The following USP7 variants were observed in gnomAD, a reference collection of about 807,000 sequenced individuals.
USP7 encodes ubiquitin C-terminal hydrolase 7.
In USP7, 9 loss-of-function variants were observed where a neutral mutation model predicts 162.9. That is an observed-to-expected ratio of 0.06 (90% CI 0.03 to 0.10). The LOEUF (loss-of-function observed/expected upper bound fraction) is 0.10, where lower values mean the gene tolerates loss of function less well. Ranked by LOEUF, USP7 falls within the 10% of genes least tolerant of loss-of-function variation. USP7 has a pLI of 1.00. For synonymous variants in USP7, 562 were observed against 475.9 expected, an observed-to-expected ratio of 1.18 and a Z score of -2.35; for missense variants, 715 against 1,373.7, an observed-to-expected ratio of 0.52 and a Z score of 7.58.
chr16:8,946,309 G>A (rs528506388), intron 1 of USP7, among the ~76,000 whole-genome samples: 24 of 152,248 alleles, frequency 1.6e-4, no homozygotes, highest in Admixed American at 4.6e-4. Context: ...GGCAGGCGGC[G>A]GTGGCTTAAG....
At chr16:8,909,572 A>G (rs2061911597) in intron 11 of USP7, among the ~76,000 whole-genome samples, 1 of 152,246 alleles carries the variant, frequency 6.6e-6, no homozygotes, top group Admixed American at 6.5e-5. Flanking sequence ...CATCCAGAAT[A>G]GAGAACAGTA....
chr16:8,916,945 TTTCTA>T, intron 7 of USP7, 76 bp downstream of exon 7: 4 of 1,451,832 alleles, frequency 2.8e-6, no homozygotes, highest in Non-Finnish European at 3.6e-6. Context: ...TCTACTAACT[TTTCTA>T]TTCTCTACTC....
chr16:8,927,581 G>C (rs1448676009), intron 2 of USP7, among the ~76,000 whole-genome samples: 2 of 152,110 alleles, frequency 1.3e-5, no homozygotes, highest in Admixed American at 1.3e-4. Context: ...CACACTTGTA[G>C]TCCCAGTACT....
intron 6 of USP7, among the ~76,000 whole-genome samples, chr16:8,918,081 C>T (rs749871353): frequency 6.6e-6 from 1 of 152,062 alleles, no homozygotes; most frequent in Admixed American, 6.5e-5. Context: ...TGAGCCACTG[C>T]GCCCAGCCAT....
intron 21 of USP7, 90 bp downstream of exon 21, chr16:8,900,440 G>C: frequency 1.1e-6 from 1 of 894,840 alleles, no homozygotes; most frequent in Non-Finnish European, 1.6e-6. Flanking sequence ...AACGTGGCTC[G>C]GGATCTAGGT....
intron 22 of USP7, 164 bp downstream of exon 22, chr16:8,899,440 C>CTAA: frequency 2.1e-6 from 2 of 966,560 alleles, no homozygotes. Flanking sequence ...GGCGATTATT[C>CTAA]TAGCTCCCAA....
At position 8,906,567 on chromosome 16, in the gene USP7, C is replaced by G. The variant is rs1596361901; in HGVS notation, c.1287G>C (p.Glu429Asp). ...IKINDRFEFP[E>D]QLPLDEFLQK... ...GCAAAAATTCATCAAGTGGTAACTG[C>G]TCTGGGAATTCAAACCTATTAGAAA... The change falls in exon 13 of 31, where the codon GAG becomes GAC. Residue 429 changes from glutamate (E) to aspartate (D), a missense_variant. Coordinates refer to ENST00000344836, the MANE Select transcript of USP7 (RefSeq NM_003470.3). 1 of 1,611,998 alleles carries G rather than the reference C, an allele frequency of 6.2e-7. No homozygotes were observed. The highest frequency in any genetic ancestry group is 8.5e-7 in the Non-Finnish European group (1 of 1,179,542).
chr16:8,952,218 C>T (rs1221582264), intron 1 of USP7, among the ~76,000 whole-genome samples: 1 of 152,112 alleles, frequency 6.6e-6, no homozygotes, highest in East Asian at 1.9e-4. Flanking sequence ...CCACTGAATT[C>T]CAGCCTGGGC....
intron 3 of USP7, among the ~76,000 whole-genome samples, chr16:8,921,699 C>G (rs1479566309): frequency 6.6e-6 from 1 of 152,194 alleles, no homozygotes; most frequent in East Asian, 1.9e-4. Flanking sequence ...TGGGGGAAAA[C>G]CAGCACCGGG....
rs371645767 is a variant in USP7, at chr16:8,901,689, G to A, written c.2047+393C>T. 1.1e-4 allele frequency among the ~76,000 whole-genome samples: 17 copies of A among 152,356 alleles called. No individual in the cohort carries two copies. The East Asian group carries it at 2.9e-3, about 26-fold the overall frequency. The stretch of plus-strand genomic sequence containing the variant: ...GTCGATAAAGTTGTACTGGAAGACA[G>A]CCAGCTCGTTCATTTATATAGTCTT... On this transcript the variant is annotated intron_variant, in intron 18 of 30. Transcript: ENST00000344836.
At chr16:8,899,888 T>C (rs933892251) in intron 21 of USP7, 131 bp from the exon 22 acceptor site, 1 of 1,133,310 alleles carries the variant, frequency 8.8e-7, no homozygotes, top group Non-Finnish European at 1.3e-6. Context: ...GGTTCCCCTT[T>C]GAGGGGGCCA....
intron 15 of USP7, among the ~76,000 whole-genome samples, chr16:8,903,870 AAAAAAAAAAAAAGGAAAAG>A (rs1475882553): frequency 1.3e-5 from 2 of 149,194 alleles, no homozygotes; most frequent in Non-Finnish European, 3.0e-5. Context: ...TCTGTCTCAA[AAAAAAAAAAAAAGGAAAAG>A]AAAAAAGAAA....
intron 1 of USP7, among the ~76,000 whole-genome samples, chr16:8,934,791 A>T (rs2141239123): frequency 6.6e-6 from 1 of 152,342 alleles, no homozygotes; most frequent in East Asian, 1.9e-4. Context: ...CGAGTACATA[A>T]GGGGTGGGTC....
intron 2 of USP7, among the ~76,000 whole-genome samples, chr16:8,928,169 T>C (rs1008465820): frequency 1.3e-5 from 2 of 152,248 alleles, no homozygotes; most frequent in African/African-American, 4.8e-5. Context: ...CTTTGTCTCA[T>C]TAGCTATTTA....
chr16:8,893,961 A>G lies in USP7; in HGVS notation c.*37T>C. On this transcript the variant is annotated 3_prime_UTR_variant, in exon 31 of 31. Coordinates refer to ENST00000344836, the MANE Select transcript of USP7 (RefSeq NM_003470.3). ...GTTCTAGGCTGTTAAGGGGCCACCC[A>G]CACACCGTCCTCGCCTTGAACACAC... 6.2e-7 allele frequency: 1 copy of G among 1,601,786 alleles called. No individual in the cohort carries two copies. The highest frequency in any genetic ancestry group is 1.7e-4 in the Middle Eastern group (1 of 6,048).
chr16:8,911,783 A>G (rs2447914), intron 10 of USP7, among the ~76,000 whole-genome samples: 45,650 of 152,158 alleles, frequency 0.3, 6,909 homozygotes, highest in South Asian at 0.34. Flanking sequence ...GTTTCTTCCG[A>G]AGCTGTCAGT....
chr16:8,895,002 G>A, intron 28 of USP7, 29 bp downstream of exon 28: 2 of 1,614,130 alleles, frequency 1.2e-6, no homozygotes, highest in Non-Finnish European at 1.7e-6. Flanking sequence ...GTTTTGACGT[G>A]AGCCACTCGG....
chr16:8,925,003 A>G (rs1897911772), intron 2 of USP7, among the ~76,000 whole-genome samples: 1 of 152,232 alleles, frequency 6.6e-6, no homozygotes, highest in African/African-American at 2.4e-5. Flanking sequence ...CTAAAAGGCA[A>G]GAAACTTGTT....
At chr16:8,913,031 C>G (rs557877034) in intron 10 of USP7, among the ~76,000 whole-genome samples, 2 of 151,988 alleles carry the variant, frequency 1.3e-5, no homozygotes, top group South Asian at 4.2e-4. Context: ...AATCAAACAA[C>G]TGAAAACCAG....
Sources: allele counts gnomAD v4.1 joint callset (sites outside exome capture counted in the v4.1 genomes callset), GRCh38; gene constraint gnomAD v4.1.1; transcripts MANE v1.5; gene names NCBI Gene and HGNC (gene_info 2026-07-23, HGNC 2026-07-21).